Variants in BLVRB observed in about 807,000 individuals in gnomAD.
BLVRB encodes biliverdin reductase B.
BLVRB carries 25 observed loss-of-function variants against 21.1 expected under a neutral mutation model. The observed-to-expected ratio is 1.19, with a 90% CI of 0.86 to 1.66. The LOEUF (loss-of-function observed/expected upper bound fraction) is 1.66, where lower values mean the gene tolerates loss of function less well. Ranked by LOEUF, BLVRB falls within the 40% of genes most tolerant of loss-of-function variation. The probability of loss-of-function intolerance (pLI) is 0.00; values close to 1 mark genes in which losing one functional copy is unlikely to be tolerated. For synonymous variants in BLVRB, 128 were observed against 122.2 expected, an observed-to-expected ratio of 1.05 and a Z score of -0.31; for missense variants, 274 against 282.7, an observed-to-expected ratio of 0.97 and a Z score of 0.22.
intron 3 of BLVRB, among the ~76,000 whole-genome samples, chr19:40,454,136 G>C (rs2079752327): frequency 1.3e-5 from 2 of 152,180 alleles, no homozygotes; most frequent in Admixed American, 6.6e-5. Flanking sequence ...TGTGGTCTCA[G>C]CTACTCAGGA....
chr19:40,451,237 A>G (rs2145777166), intron 4 of BLVRB, 127 bp downstream of exon 4: 2 of 1,379,356 alleles, frequency 1.4e-6, no homozygotes, highest in East Asian at 2.6e-5. Flanking sequence ...GGCCAAATAT[A>G]TATGTCACAA....
chr19:40,449,975 A>G (rs10425814), intron 4 of BLVRB, among the ~76,000 whole-genome samples: 83,031 of 149,880 alleles, frequency 0.55, 24,315 homozygotes, highest in African/African-American at 0.77. Flanking sequence ...CAAGGTGGGC[A>G]GATCACGAGG....
intron 1 of BLVRB, 130 bp downstream of exon 1, chr19:40,465,480 G>A (rs1436002824): frequency 3.5e-6 from 4 of 1,139,068 alleles, no homozygotes; most frequent in Non-Finnish European, 5.0e-6. Flanking sequence ...ACTTGCTTTG[G>A]CCCCTGAGTC....
At chr19:40,459,782 G>A (rs2079778708) in intron 1 of BLVRB, among the ~76,000 whole-genome samples, 1 of 152,180 alleles carries the variant, frequency 6.6e-6, no homozygotes, top group African/African-American at 2.4e-5. Flanking sequence ...TGTTGGCCAG[G>A]CTGGTCTTGA....
chr19:40,449,611 C>T (rs1185456861), intron 4 of BLVRB, among the ~76,000 whole-genome samples: 1 of 152,070 alleles, frequency 6.6e-6, no homozygotes, highest in East Asian at 1.9e-4. Flanking sequence ...TGTCACTTTC[C>T]TTAGGTGTGA....
At chr19:40,463,485 C>T (rs1452915908) in intron 1 of BLVRB, among the ~76,000 whole-genome samples, 2 of 152,086 alleles carry the variant, frequency 1.3e-5, no homozygotes, top group East Asian at 1.9e-4. Flanking sequence ...AGACTCTTGG[C>T]CCTACAGAAC....
rs1405716980 is a variant in BLVRB at position 40,465,700 on chromosome 19, G to A, written c.-12C>T. ...TTCTTGACGGCCATCGTACGGGATC[G>A]TGGGGGTGCAAGGCCTCAGAGTCTC... On this transcript the variant is annotated 5_prime_UTR_variant, in exon 1 of 5. It adds an upstream start codon to the 5' untranslated region. Coordinates refer to ENST00000263368, the MANE Select transcript of BLVRB (RefSeq NM_000713.3). The A allele has an allele frequency of 6.2e-7, 1 of 1,612,250 alleles. No individual in the cohort carries two copies.
intron 1 of BLVRB, among the ~76,000 whole-genome samples, chr19:40,460,033 T>TTACTGCTGGGAAGCCCAGCCC: frequency 6.6e-6 from 1 of 152,112 alleles, no homozygotes; most frequent in Non-Finnish European, 1.5e-5. Flanking sequence ...CTGCCCAGCC[T>TTACTGCTGGGAAGCCCAGCCC]TACTGCTGGG....
At chr19:40,457,907 G>C (rs1161793099) in intron 3 of BLVRB, 9 of 495,038 alleles carry the variant, frequency 1.8e-5, no homozygotes, top group Non-Finnish European at 3.3e-5. Flanking sequence ...CAGCTCCGAT[G>C]ATCTGGATGT....
intron 1 of BLVRB, among the ~76,000 whole-genome samples, chr19:40,463,103 TCA>T (rs1348000780): frequency 1.3e-5 from 2 of 152,148 alleles, no homozygotes; most frequent in African/African-American, 4.8e-5. Flanking sequence ...TCATTGTAAC[TCA>T]CAGTTTGAGA....
chr19:40,464,805 G>C (rs1341380992), intron 1 of BLVRB, among the ~76,000 whole-genome samples: 1 of 152,166 alleles, frequency 6.6e-6, no homozygotes, highest in Non-Finnish European at 1.5e-5. Flanking sequence ...GGGGCACGCA[G>C]ATAGTCAATA....
chr19:40,451,280 C>T (rs1265676319), intron 4 of BLVRB, 84 bp downstream of exon 4: 1 of 1,542,034 alleles, frequency 6.5e-7, no homozygotes, highest in Non-Finnish European at 8.8e-7. Context: ...TTAGGGTGGT[C>T]AGGGAAGGCC....
Position 40,458,517 on chromosome 19 carries a change from G to A in BLVRB, c.108C>T (p.Asp36=). The A allele has an allele frequency of 6.2e-7, 1 of 1,611,480 alleles. No homozygotes were observed. Among genetic ancestry groups the A allele is most frequent in the Non-Finnish European group, 8.5e-7 (1 of 1,179,132 alleles). ...GCCCCTCTGATGGCAGCCTGGAGGA[G>A]TCCCGCACCAGCACTGTCACTTCGT... ...AGYEVTVLVR[D]SSRLPSEGPR... Residue 36 remains aspartate, a synonymous_variant, in exon 2 of 5, where the codon GAC becomes GAT. Transcript: ENST00000263368.
chr19:40,462,763 G>T (rs992462811), intron 1 of BLVRB, among the ~76,000 whole-genome samples: 22 of 150,492 alleles, frequency 1.5e-4, no homozygotes, highest in African/African-American at 5.3e-4. Context: ...CATGGTGGCA[G>T]GCGCCTGTAG....
At position 40,451,344 on chromosome 19, in the gene BLVRB, C is replaced by G; in HGVS notation, c.463+20G>C. 6.3e-7 allele frequency: 1 copy of G among 1,591,080 alleles called. No homozygotes were observed. Among genetic ancestry groups the G allele is most frequent in the Middle Eastern group, 1.7e-4 (1 of 5,936 alleles). ...AACAGGCAGATGGCATTGGTGCCAC[C>G]AGGTCCCTGCCCTGCTTACCTATGT... On this transcript the variant is annotated intron_variant, in intron 4 of 4. Coordinates refer to ENST00000263368, the MANE Select transcript of BLVRB (RefSeq NM_000713.3).
intron 4 of BLVRB, 77 bp from the exon 5 acceptor site, chr19:40,448,123 C>G (rs2079722396): frequency 3.3e-6 from 5 of 1,507,244 alleles, no homozygotes; most frequent in Non-Finnish European, 4.5e-6. Flanking sequence ...CCAGAAAGAC[C>G]TTCCCAGGGT....
At chr19:40,451,026 C>A (rs1437438943) in intron 4 of BLVRB, among the ~76,000 whole-genome samples, 4 of 152,118 alleles carry the variant, frequency 2.6e-5, no homozygotes, top group African/African-American at 9.7e-5. Flanking sequence ...CAGTGGTAAT[C>A]CCCTCAACCT....
At chr19:40,462,619 T>A (rs1271108013) in intron 1 of BLVRB, among the ~76,000 whole-genome samples, 1 of 143,332 alleles carries the variant, frequency 7.0e-6, no homozygotes, top group South Asian at 2.4e-4. Flanking sequence ...TGGCCGGGCG[T>A]GGTGGCTCAC....
At chr19:40,458,271 A>G (rs1305831423) in intron 2 of BLVRB, 27 bp from the exon 3 acceptor site, 4 of 1,556,082 alleles carry the variant, frequency 2.6e-6, no homozygotes, top group Non-Finnish European at 3.5e-6. Context: ...AGTGGCTGTC[A>G]CTGGTGGGCG....
Sources: allele counts gnomAD v4.1 joint callset (sites outside exome capture counted in the v4.1 genomes callset), GRCh38; gene constraint gnomAD v4.1.1; transcripts MANE v1.5; gene names NCBI Gene and HGNC (gene_info 2026-07-23, HGNC 2026-07-21).